POMT1: variants seen among roughly 807,000 people sequenced by gnomAD.
POMT1 encodes protein O-mannosyltransferase 1, also known as protein O-mannosyl-transferase 1.
Under a neutral mutation model 101.6 loss-of-function variants are expected in POMT1, and 85 were observed. That is an observed-to-expected ratio of 0.84 (90% confidence interval 0.70 to 1.00). POMT1 has a LOEUF of 1.00. Among genes scored for constraint, POMT1 ranks in the 50% least tolerant of loss-of-function variants. POMT1 has a pLI of 0.00. For synonymous variants in POMT1, 371 were observed against 383.0 expected, an observed-to-expected ratio of 0.97 and a Z score of 0.37; for missense variants, 857 against 930.4, an observed-to-expected ratio of 0.92 and a Z score of 1.03.
Position 131,519,993 on chromosome 9 carries a change from G to T in POMT1, c.1585-87G>T. On this transcript the variant is annotated intron_variant, in intron 16 of 19. Coordinates refer to ENST00000402686, the MANE Select transcript of POMT1 (RefSeq NM_001077365.2). The surrounding 1 kb of genome is among the most constrained non-coding windows in gnomAD (Gnocchi z 4.3). Reference sequence around the variant, plus strand: ...TGAGCTGGGCCAGTCCACGTGCAAGGGGCAGCAGTGTACTCCTTTGACCAA... The same window carrying T: ...TGAGCTGGGCCAGTCCACGTGCAAGTGGCAGCAGTGTACTCCTTTGACCAA... 1.0e-6 allele frequency: 1 copy of T among 987,280 alleles called. No individual in the cohort carries two copies. The highest frequency in any genetic ancestry group is 1.6e-6 in the Non-Finnish European group (1 of 631,030). 61.2% of individuals were successfully genotyped at this position (987,280 alleles called of 1,614,324 possible). A position where few individuals can be genotyped will look rare whatever the true frequency, so the allele number is the denominator to read the frequency against.
chr9:131,507,425 C>A lies in POMT1; in HGVS notation c.338C>A (p.Ala113Asp), dbSNP rs1946095902. 1 of 1,614,184 alleles carries A rather than the reference C, an allele frequency of 6.2e-7. No individual in the cohort carries two copies. The highest frequency in any genetic ancestry group is 8.5e-7 in the Non-Finnish European group (1 of 1,180,038). Reference protein sequence around the residue: ...SLRLLPALAGALSVPMAYQIV... With the variant: ...SLRLLPALAGDLSVPMAYQIV... ...CGCCTGCTGCCAGCACTCGCGGGGG[C>A]CTTGTCGGTCCCCATGGCCTACCAG... The change falls in exon 5 of 20, where the codon GCC becomes GAC. Residue 113 changes from alanine to aspartate, a missense_variant. Coordinates refer to ENST00000402686, the MANE Select transcript of POMT1 (RefSeq NM_001077365.2).
intron 17 of POMT1, chr9:131,521,009 T>G: frequency 5.3e-5 from 19 of 355,190 alleles, no homozygotes; most frequent in Non-Finnish European, 7.7e-5. Context: ...GCCCAGCTAA[T>G]TTTTGTACTT....
Position 131,513,318 on chromosome 9 carries a change from C to A in POMT1, c.1162C>A (p.Arg388Ser). 2 of 1,612,004 alleles carry A rather than the reference C, an allele frequency of 1.2e-6. No homozygotes were observed. Among genetic ancestry groups the A allele is most frequent in the Non-Finnish European group, 1.7e-6 (2 of 1,179,828 alleles). ...MVQLVHGMTT[R>S]SLNTHDVAAP... Reference sequence around the variant, plus strand: ...GCAGCTGGTCCACGGCATGACCACCCGCTCCCTGAACACGTGAGTGTGCCC... The same window carrying A: ...GCAGCTGGTCCACGGCATGACCACCAGCTCCCTGAACACGTGAGTGTGCCC... Residue 388 changes from arginine to serine, a missense_variant, in exon 12 of 20, where the codon CGC becomes AGC. Arg to Ser is a moderately radical substitution (Grantham distance 110, BLOSUM62 -1). Transcript: ENST00000402686.
intron 5 of POMT1, among the ~76,000 whole-genome samples, chr9:131,507,968 C>T (rs1464669569): frequency 6.6e-6 from 1 of 152,214 alleles, no homozygotes; most frequent in African/African-American, 2.4e-5. Context: ...CGCAGTGGCT[C>T]ACACCTATAA....
chr9:131,521,964 C>T (rs957409781), intron 18 of POMT1, 83 bp from the exon 19 acceptor site: 2 of 1,599,194 alleles, frequency 1.3e-6, no homozygotes, highest in Non-Finnish European at 1.7e-6. Context: ...TAGTAAGAAC[C>T]CTCTCTCTAA....
intron 17 of POMT1, 35 bp from the exon 18 acceptor site, chr9:131,521,311 G>A (rs1949867351): frequency 6.2e-7 from 1 of 1,613,834 alleles, no homozygotes; most frequent in Non-Finnish European, 8.5e-7. Context: ...TGAGCAGAGG[G>A]CAGGTGGCTA....
chr9:131,507,306 G>T, intron 4 of POMT1, 62 bp from the exon 5 acceptor site: 1 of 1,610,262 alleles, frequency 6.2e-7, no homozygotes, highest in South Asian at 1.1e-5. Context: ...AAGCATAGCT[G>T]CAGTACACAG....
chr9:131,512,274 C>T, intron 11 of POMT1, 138 bp downstream of exon 11: 1 of 1,467,192 alleles, frequency 6.8e-7, no homozygotes, highest in Non-Finnish European at 9.2e-7. Flanking sequence ...AACACCAGCT[C>T]AGTGCTGAGT....
chr9:131,513,770 C>G lies in POMT1; in HGVS notation c.1175+439C>G, dbSNP rs543648107. Among the ~76,000 whole-genome samples the G allele has an allele frequency of 9.2e-5, 14 of 152,356 alleles. No individual in the cohort carries two copies. In the South Asian group the frequency reaches 2.5e-3, roughly 27 times the overall value. On this transcript the variant is annotated intron_variant, in intron 12 of 19. Coordinates refer to ENST00000402686, the MANE Select transcript of POMT1 (RefSeq NM_001077365.2). ...GGCTTCTTCCTTCTCAGTCCTTCGTCCTTGTCCGACTTGCCTTCCCGTGGT... is the reference window on the plus strand; with the variant it reads ...GGCTTCTTCCTTCTCAGTCCTTCGTGCTTGTCCGACTTGCCTTCCCGTGGT...
chr9:131,515,474 C>CT lies in POMT1; in HGVS notation c.1225dup (p.Tyr409LeufsTer3). 1 of 1,614,232 alleles carries CT rather than the reference C, an allele frequency of 6.2e-7. No individual in the cohort carries two copies. Among genetic ancestry groups the CT allele is most frequent in the Non-Finnish European group, 8.5e-7 (1 of 1,180,036 alleles). On this transcript the variant is annotated frameshift_variant, in exon 13 of 20. Transcript: ENST00000402686. LOFTEE classifies it high-confidence loss of function. ...GCCCCCATTCACAGGAGGTCTCCTG[C>CT]TACATTGACTATAACATCTCCATGC...
chr9:131,520,727 C>T (rs1438523983), intron 17 of POMT1, among the ~76,000 whole-genome samples: 2 of 152,252 alleles, frequency 1.3e-5, no homozygotes, highest in African/African-American at 2.4e-5. Context: ...GAGCTCTGAG[C>T]GCACTTTGCA....
rs1171945005 is a variant in POMT1, at chr9:131,518,824, G to A, written c.1366-13G>A. 1.2e-6 allele frequency: 2 copies of A among 1,613,904 alleles called. No individual in the cohort carries two copies. Among genetic ancestry groups the A allele is most frequent in the South Asian group, 2.2e-5 (2 of 91,082 alleles). ...TTCCCATCACGCCCTTTACTCTCCT[G>A]CGGTGTCACCAGCTGAGCGGGGCTC... On this transcript the variant is annotated splice_polypyrimidine_tract_variant and intron_variant, in intron 14 of 19. Transcript: ENST00000402686.
Position 131,523,136 on chromosome 9 carries a change from T to A in POMT1, c.*30T>A. The A allele has an allele frequency of 6.2e-7, 1 of 1,606,002 alleles. No individual in the cohort carries two copies. The highest frequency in any genetic ancestry group is 8.5e-7 in the Non-Finnish European group (1 of 1,178,350). On this transcript the variant is annotated 3_prime_UTR_variant, in exon 20 of 20. Coordinates refer to ENST00000402686, the MANE Select transcript of POMT1 (RefSeq NM_001077365.2). ...AGAGTGTGGCAAAGAACACCCGTGC[T>A]GGGGTCGGGATGAGGTTGAAGGGTC... is the stretch of plus-strand genomic sequence containing the variant.
intron 17 of POMT1, chr9:131,521,044 C>G: frequency 2.4e-6 from 1 of 413,888 alleles, no homozygotes; most frequent in Non-Finnish European, 4.6e-6. Flanking sequence ...GGTTTCGCCA[C>G]GTTGGGCAGG....
chr9:131,513,288 A>G lies in POMT1; in HGVS notation c.1132A>G (p.Met378Val), dbSNP rs543585316. Reference protein sequence around the residue: ...SPPRPVRHGDMVQLVHGMTTR... With the variant: ...SPPRPVRHGDVVQLVHGMTTR... Reference sequence around the variant, plus strand: ...TCCGAGACCTGTGAGGCACGGGGACATGGTGCAGCTGGTCCACGGCATGAC... The same window carrying G: ...TCCGAGACCTGTGAGGCACGGGGACGTGGTGCAGCTGGTCCACGGCATGAC... Residue 378 changes from methionine (M) to valine (V), a missense_variant, in exon 12 of 20, where the codon ATG (methionine) becomes GTG (valine). Coordinates refer to ENST00000402686, the MANE Select transcript of POMT1 (RefSeq NM_001077365.2). The G allele has an allele frequency of 2.5e-6, 4 of 1,612,976 alleles. No individual in the cohort carries two copies. The Admixed American group carries it at 5.0e-5, about 20-fold the overall frequency.
intron 4 of POMT1, chr9:131,506,726 T>C: frequency 2.1e-6 from 1 of 468,684 alleles, no homozygotes; most frequent in South Asian, 2.1e-5. Flanking sequence ...CTGATTGTGA[T>C]GATCGGTTGT....
chr9:131,523,405 C>G lies in POMT1; in HGVS notation c.*299C>G. ...TCATTGACAACAAAAAGCCGAGAACCCAGGGCCAGCAGTGGAGCCTCAGCA... is the reference window on the plus strand; with the variant it reads ...TCATTGACAACAAAAAGCCGAGAACGCAGGGCCAGCAGTGGAGCCTCAGCA... On this transcript the variant is annotated 3_prime_UTR_variant, in exon 20 of 20. Coordinates refer to ENST00000402686, the MANE Select transcript of POMT1 (RefSeq NM_001077365.2). 2.5e-6 allele frequency: 1 copy of G among 402,292 alleles called. No homozygotes were observed. Among genetic ancestry groups the G allele is most frequent in the Non-Finnish European group, 4.7e-6 (1 of 212,298 alleles). The allele number at this position is 402,292 out of a possible 1,614,324, so 24.9% of individuals were successfully genotyped here.
chr9:131,510,978 G>GGT, intron 9 of POMT1: 2 of 279,514 alleles, frequency 7.2e-6, no homozygotes, highest in South Asian at 8.5e-5. Context: ...CCGACGGCCA[G>GGT]TGCTGTAGTG....
chr9:131,504,415 C>T, intron 2 of POMT1, 75 bp downstream of exon 2: 1 of 1,606,594 alleles, frequency 6.2e-7, no homozygotes, highest in Admixed American at 1.7e-5. Context: ...TACTGAATAG[C>T]ATAAATGGGA....
Sources: allele counts gnomAD v4.1 joint callset (sites outside exome capture counted in the v4.1 genomes callset), GRCh38; gene constraint gnomAD v4.1.1; non-coding constraint Gnocchi (gnomAD v3.1); transcripts MANE v1.5; gene names NCBI Gene and HGNC (gene_info 2026-07-23, HGNC 2026-07-21).